Variants in LSAMP observed in about 807,000 individuals in gnomAD.
LSAMP encodes the protein limbic system-associated membrane protein.
Under a neutral mutation model 38.6 loss-of-function variants are expected in LSAMP, and 7 were observed. The ratio of observed to expected loss-of-function variants is 0.18; its 90% CI spans 0.10 to 0.34. The LOEUF is 0.34. Among genes scored for constraint, LSAMP ranks in the 10% least tolerant of loss-of-function variants. The pLI, the probability that LSAMP is intolerant of heterozygous loss-of-function variation, is 1.00. For synonymous variants in LSAMP, 154 were observed against 166.8 expected (o/e 0.92, Z 0.59); for missense variants, 313 against 420.0 (o/e 0.75, Z 2.23).
chr3:116,155,140 T>G (rs1709715121), intron 1 of LSAMP, among the ~76,000 whole-genome samples: 2 of 152,098 alleles, frequency 1.3e-5, no homozygotes, highest in Admixed American at 1.3e-4. Context: ...TTATAATCAT[T>G]TATTTCTGAG....
intron 2 of LSAMP, among the ~76,000 whole-genome samples, chr3:116,068,935 G>T (rs1158810549): frequency 6.6e-6 from 1 of 152,146 alleles, no homozygotes; most frequent in Non-Finnish European, 1.5e-5. Context: ...AGGTAAATTT[G>T]CTTCCCATAT....
chr3:115,922,053 A>T (rs531544763), intron 3 of LSAMP, among the ~76,000 whole-genome samples: 1 of 152,284 alleles, frequency 6.6e-6, no homozygotes, highest in East Asian at 1.9e-4. Flanking sequence ...AAAATACTGC[A>T]GTGTGAATTT....
chr3:116,011,805 G>T (rs946515319), intron 3 of LSAMP, among the ~76,000 whole-genome samples: 5 of 152,272 alleles, frequency 3.3e-5, no homozygotes, highest in East Asian at 3.9e-4. Flanking sequence ...TACCTTTCTG[G>T]CTCAGACAAT....
At chr3:116,288,028 A>T (rs554955266) in intron 1 of LSAMP, among the ~76,000 whole-genome samples, 100 of 152,252 alleles carry the variant, frequency 6.6e-4, no homozygotes, top group Admixed American at 1.5e-3. Flanking sequence ...AAAAAGATTT[A>T]AAAAAAAGTA....
intron 4 of LSAMP, 100 bp from the exon 5 acceptor site, chr3:115,842,678 A>C: frequency 2.7e-6 from 4 of 1,469,502 alleles, no homozygotes; most frequent in Non-Finnish European, 3.7e-6. Flanking sequence ...AGAGAGAGGC[A>C]GGAAGGGAGC....
intron 1 of LSAMP, among the ~76,000 whole-genome samples, chr3:116,289,235 G>T (rs1223250670): frequency 6.6e-6 from 1 of 152,180 alleles, no homozygotes; most frequent in East Asian, 1.9e-4. Flanking sequence ...CTCAAAAACT[G>T]AAGGTAGGGA....
In LSAMP at chr3:116,315,150, C is replaced by T. The variant is rs573325559; in HGVS notation, c.155+129727G>A. The stretch of plus-strand genomic sequence containing the variant: ...TGTAGCCTCCAGGCTTTTGCTTATT[C>T]TATCCCCTCCACCTGTATTGTTCTT... On this transcript the variant is annotated intron_variant, in intron 1 of 6. Coordinates refer to ENST00000490035, the MANE Select transcript of LSAMP (RefSeq NM_002338.5). 6.2e-4 allele frequency among the ~76,000 whole-genome samples: 94 copies of T among 152,248 alleles called. 1 individual carries two copies. The highest frequency in any genetic ancestry group is 2.0e-3 in the African/African-American group (85 of 41,556).
chr3:116,113,518 C>T (rs879668076), intron 1 of LSAMP, among the ~76,000 whole-genome samples: 173 of 144,896 alleles, frequency 1.2e-3, no homozygotes, highest in Middle Eastern at 7.2e-3. Context: ...CTCCGCCTCC[C>T]GGGTTCACGC....
At chr3:116,428,121 C>T (rs1308077595) in intron 1 of LSAMP, among the ~76,000 whole-genome samples, 3 of 152,180 alleles carry the variant, frequency 2.0e-5, no homozygotes, top group African/African-American at 2.4e-5. Flanking sequence ...CTCCTGCCAG[C>T]CTTCTTATGT....
intron 2 of LSAMP, among the ~76,000 whole-genome samples, chr3:116,048,945 G>A (rs1941342491): frequency 6.6e-6 from 1 of 152,150 alleles, no homozygotes; most frequent in South Asian, 2.1e-4. Flanking sequence ...AAGGACTCCT[G>A]GAGTTGAAGA....
chr3:116,376,078 A>G (rs886190169), intron 1 of LSAMP, among the ~76,000 whole-genome samples: 3 of 152,172 alleles, frequency 2.0e-5, no homozygotes, highest in Non-Finnish European at 2.9e-5. Context: ...CAGAACTTCA[A>G]GATAATTATT....
At chr3:116,024,946 C>T (rs1231155944) in intron 2 of LSAMP, among the ~76,000 whole-genome samples, 1 of 151,852 alleles carries the variant, frequency 6.6e-6, no homozygotes. Flanking sequence ...TTTACTCTTC[C>T]TCTAGATCAT....
chr3:115,978,803 G>T (rs1253535338), intron 3 of LSAMP, among the ~76,000 whole-genome samples: 1 of 152,094 alleles, frequency 6.6e-6, no homozygotes, highest in African/African-American at 2.4e-5. Context: ...CTTTGGTTGA[G>T]AAGTTGAGTG....
intron 1 of LSAMP, among the ~76,000 whole-genome samples, chr3:116,135,647 C>T (rs1709231338): frequency 6.6e-6 from 1 of 152,098 alleles, no homozygotes; most frequent in Admixed American, 6.6e-5. Context: ...ACCATGGAAA[C>T]CAGAAATCAC....
At chr3:115,995,547 T>C (rs1048870410) in intron 3 of LSAMP, among the ~76,000 whole-genome samples, 1 of 152,106 alleles carries the variant, frequency 6.6e-6, no homozygotes, top group African/African-American at 2.4e-5. Context: ...TGTCAATGAA[T>C]CAAAAAACTG....
chr3:116,335,128 A>C (rs916396624), intron 1 of LSAMP, among the ~76,000 whole-genome samples: 1 of 152,098 alleles, frequency 6.6e-6, no homozygotes, highest in Non-Finnish European at 1.5e-5. Flanking sequence ...GTTATTTACA[A>C]TAGCATAAAA....
chr3:116,221,582 A>G (rs1188547910), intron 1 of LSAMP, among the ~76,000 whole-genome samples: 1 of 152,178 alleles, frequency 6.6e-6, no homozygotes, highest in African/African-American at 2.4e-5. Flanking sequence ...GTGTCCTTCT[A>G]GACAGAAAAA....
At chr3:115,832,436 C>T (rs1934641051) in intron 6 of LSAMP, among the ~76,000 whole-genome samples, 1 of 152,004 alleles carries the variant, frequency 6.6e-6, no homozygotes, top group African/African-American at 2.4e-5. Flanking sequence ...ATGAAGATAC[C>T]TTGCATTATA....
At chr3:116,404,207 C>T (rs2048874739) in intron 1 of LSAMP, among the ~76,000 whole-genome samples, 1 of 152,002 alleles carries the variant, frequency 6.6e-6, no homozygotes, top group South Asian at 2.1e-4. Context: ...CTATGTGATC[C>T]ATGATTATAT....
Sources: allele counts gnomAD v4.1 joint callset (sites outside exome capture counted in the v4.1 genomes callset), GRCh38; gene constraint gnomAD v4.1.1; transcripts MANE v1.5; gene names NCBI Gene and HGNC (gene_info 2026-07-23, HGNC 2026-07-21).